The following DOCK5 variants were observed in gnomAD, a reference collection of about 807,000 sequenced individuals.
DOCK5 encodes the protein dedicator of cytokinesis protein 5.
Under a neutral mutation model 251.8 loss-of-function variants are expected in DOCK5, and 142 were observed. That is an observed-to-expected ratio of 0.56 (90% CI 0.49 to 0.65). DOCK5 has a LOEUF of 0.65. Among genes scored for constraint, DOCK5 ranks in the 30% least tolerant of loss-of-function variants. The probability of loss-of-function intolerance (pLI) is 0.00; values close to 1 mark genes in which losing one functional copy is unlikely to be tolerated. For missense variants in DOCK5, 2,111 were observed against 2,312.3 expected (o/e 0.91, Z 1.79); for synonymous variants, 842 against 835.5 (o/e 1.01, Z -0.13).
chr8:25,316,661 T>G (rs1009066951), intron 13 of DOCK5, among the ~76,000 whole-genome samples: 2 of 152,180 alleles, frequency 1.3e-5, no homozygotes, highest in South Asian at 2.1e-4. Flanking sequence ...TATTATCAGA[T>G]GTATTCAAAA....
intron 16 of DOCK5, 26 bp downstream of exon 16, chr8:25,321,078 A>T: frequency 6.2e-7 from 1 of 1,603,268 alleles, no homozygotes; most frequent in Non-Finnish European, 8.5e-7. Flanking sequence ...TCTATGACAT[A>T]TTTCCACTTA....
rs1348945412 is a variant in DOCK5 at position 25,411,309 on chromosome 8, C to T, written c.*11C>T. ...CCTGGATCCCAGTAAGGATCTTGCC[C>T]TCCCTGCAACACCGAGTGCCTTAGA... is the stretch of plus-strand genomic sequence containing the variant. On this transcript the variant is annotated 3_prime_UTR_variant, in exon 52 of 52. Coordinates refer to ENST00000276440, the MANE Select transcript of DOCK5 (RefSeq NM_024940.8). The T allele has an allele frequency of 2.7e-6, 4 of 1,478,602 alleles. No individual in the cohort carries two copies. Among genetic ancestry groups the T allele is most frequent in the Admixed American group, 2.6e-5 (1 of 37,784 alleles). The allele number at this position is 1,478,602 out of a possible 1,614,324, so 91.6% of individuals were successfully genotyped here.
rs368201524 is a variant in DOCK5, at chr8:25,392,921, T to G, written c.4527+39T>G. ...AATTGGCATTTAGAAAAAAACTTTC[T>G]GTTTCCAAATATAATAACAGCCTTT... On this transcript the variant is annotated intron_variant, in intron 44 of 51. Coordinates refer to ENST00000276440, the MANE Select transcript of DOCK5 (RefSeq NM_024940.8). 6.8e-5 allele frequency: 103 copies of G among 1,510,224 alleles called. No individual in the cohort carries two copies. The African/African-American group carries it at 1.2e-3, about 17-fold the overall frequency. 93.6% of individuals were successfully genotyped at this position (1,510,224 alleles called of 1,614,324 possible).
chr8:25,356,907 TTATATATATATATA>T (rs34216387), intron 27 of DOCK5, among the ~76,000 whole-genome samples: 4,412 of 131,302 alleles, frequency 0.034, 297 homozygotes, highest in African/African-American at 0.11. Flanking sequence ...TATATGAAGA[TTATATATATATATA>T]TATATATATA....
intron 41 of DOCK5, among the ~76,000 whole-genome samples, chr8:25,389,714 AAG>A (rs1376762616): frequency 6.6e-6 from 1 of 152,198 alleles, no homozygotes; most frequent in Non-Finnish European, 1.5e-5. Context: ...CATCTGTGAA[AAG>A]AGAATAAGAA....
intron 26 of DOCK5, among the ~76,000 whole-genome samples, chr8:25,348,861 T>C (rs889699779): frequency 6.6e-6 from 1 of 151,594 alleles, no homozygotes; most frequent in Non-Finnish European, 1.5e-5. Flanking sequence ...AAAATTTATG[T>C]ACCACTCACC....
rs1025064392 is a variant in DOCK5 at position 25,300,790 on chromosome 8, A to C, written c.846+133A>C. The C allele has an allele frequency of 6.7e-6, 6 of 895,488 alleles. No homozygotes were observed. The African/African-American group carries it at 8.4e-5, about 13-fold the overall frequency. The allele number at this position is 895,488 out of a possible 1,614,324, so 55.5% of individuals were successfully genotyped here. A position where few individuals can be genotyped will look rare whatever the true frequency, so the allele number is the denominator to read the frequency against. ...TCAATCTGCCTAGCAGGAATAACCC[A>C]CCCATTTATTCAACATGTACTTCAA... is the stretch of plus-strand genomic sequence containing the variant. On this transcript the variant is annotated intron_variant, in intron 9 of 51. Transcript: ENST00000276440.
intron 1 of DOCK5, among the ~76,000 whole-genome samples, chr8:25,237,370 A>G (rs940344132): frequency 3.3e-5 from 5 of 152,084 alleles, no homozygotes; most frequent in Non-Finnish European, 1.5e-5. Flanking sequence ...ATCCTGTCTC[A>G]AAAAAATAAA....
intron 28 of DOCK5, among the ~76,000 whole-genome samples, chr8:25,359,739 C>T (rs1303439648): frequency 3.3e-5 from 5 of 152,212 alleles, no homozygotes; most frequent in South Asian, 2.1e-4. Context: ...TGCCCCCATC[C>T]GTGGAAAAAT....
At chr8:25,367,297 C>T (rs1043280504) in intron 31 of DOCK5, among the ~76,000 whole-genome samples, 2 of 152,178 alleles carry the variant, frequency 1.3e-5, no homozygotes, top group Admixed American at 6.5e-5. Context: ...AGTACCTCCT[C>T]ATTCATAGCG....
At chr8:25,344,824 G>A (rs1800327747) in intron 25 of DOCK5, among the ~76,000 whole-genome samples, 1 of 152,210 alleles carries the variant, frequency 6.6e-6, no homozygotes, top group African/African-American at 2.4e-5. Flanking sequence ...AGGTGTTTGA[G>A]CAGAAGAGCA....
rs574550390 is a variant in DOCK5, at chr8:25,188,887, A to G, written c.43+3936A>G. On this transcript the variant is annotated intron_variant, in intron 1 of 51. Transcript: ENST00000276440. ...CATATGAAGATATAAAACACTTTTA[A>G]GCAAACATTAGTGATAAATATCCAG... Among the ~76,000 whole-genome samples the G allele has an allele frequency of 2.0e-3, 307 of 152,224 alleles. 2 individuals are homozygous for G. Among genetic ancestry groups the G allele is most frequent in the Admixed American group, 3.4e-3 (52 of 15,282 alleles).
intron 34 of DOCK5, 40 bp downstream of exon 34, chr8:25,369,681 A>G: frequency 3.2e-6 from 5 of 1,542,356 alleles, no homozygotes; most frequent in Non-Finnish European, 4.4e-6. Flanking sequence ...CAGTGGTGTC[A>G]TTTAGTAATA....
Position 25,323,850 on chromosome 8 carries a change from A to G in DOCK5, c.1618A>G (p.Arg540Gly). The change falls in exon 17 of 52, where the codon AGA becomes GGA. Residue 540 changes from arginine to glycine, a missense_variant and splice_region_variant. By Grantham distance (125) the Arg-to-Gly change is moderately radical. This residue lies in a region of DOCK5 where 1,717 missense variants were observed against 1,892.4 expected (regional missense o/e 0.91). Transcript: ENST00000276440. ...TFRHRSSQET[R>G]DKSERAFGVA... ...GACATGTCTTTCTGCCTTTTCAGCC[A>G]GAGATAAATCGGAGCGAGCATTTGG... The G allele has an allele frequency of 3.1e-6, 5 of 1,612,736 alleles. No homozygotes were observed. The highest frequency in any genetic ancestry group is 1.3e-5 in the African/African-American group (1 of 75,012).
chr8:25,300,942 G>A (rs1291727692), intron 9 of DOCK5, among the ~76,000 whole-genome samples: 1 of 152,200 alleles, frequency 6.6e-6, no homozygotes, highest in Non-Finnish European at 1.5e-5. Context: ...GCTCACGCCT[G>A]TAATCCCAGG....
intron 48 of DOCK5, among the ~76,000 whole-genome samples, chr8:25,406,551 T>C (rs1801526696): frequency 6.6e-6 from 1 of 152,196 alleles, no homozygotes; most frequent in Non-Finnish European, 1.5e-5. Flanking sequence ...GCTCCAATTA[T>C]AGCATATAGT....
rs745936663 is a variant in DOCK5 at position 25,331,886 on chromosome 8, A to T, written c.1904-365A>T. 8.6e-4 allele frequency among the ~76,000 whole-genome samples: 130 copies of T among 151,944 alleles called. 1 individual carries two copies. Among genetic ancestry groups the T allele is most frequent in the Middle Eastern group, 3.4e-3 (1 of 294 alleles). On this transcript the variant is annotated intron_variant, in intron 18 of 51. Transcript: ENST00000276440. ...CCTCTTTCCCTCTGAATCCACCCAGACATAGGTAGTGATAAGGGACAATTT... is the reference window on the plus strand; with the variant it reads ...CCTCTTTCCCTCTGAATCCACCCAGTCATAGGTAGTGATAAGGGACAATTT...
At chr8:25,284,411 GT>G (rs1460497409) in intron 5 of DOCK5, among the ~76,000 whole-genome samples, 10 of 152,206 alleles carry the variant, frequency 6.6e-5, no homozygotes, top group Admixed American at 6.5e-4. Context: ...TTGCCTTGAG[GT>G]CATGTAAGGG....
intron 26 of DOCK5, among the ~76,000 whole-genome samples, chr8:25,349,352 A>G (rs1440807867): frequency 6.6e-6 from 1 of 152,234 alleles, no homozygotes; most frequent in Non-Finnish European, 1.5e-5. Flanking sequence ...TTAGTATGAC[A>G]ACTATGAAAC....
Sources: allele counts gnomAD v4.1 joint callset (sites outside exome capture counted in the v4.1 genomes callset), GRCh38; gene constraint gnomAD v4.1.1; regional missense constraint gnomAD v4.1.1; transcripts MANE v1.5; gene names NCBI Gene and HGNC (gene_info 2026-07-23, HGNC 2026-07-21).